ERI3: variants seen among roughly 807,000 people sequenced by gnomAD.
ERI3 encodes the protein ERI1 exoribonuclease family member 3, also known as ERI1 exoribonuclease 3.
ERI3 carries 18 observed loss-of-function variants against 44.4 expected under a neutral mutation model. The ratio of observed to expected loss-of-function variants is 0.41; its 90% CI spans 0.28 to 0.60. The LOEUF (loss-of-function observed/expected upper bound fraction) is 0.60, where lower values mean the gene tolerates loss of function less well. Among genes scored for constraint, ERI3 ranks in the 20% least tolerant of loss-of-function variants. ERI3 has a pLI of 0.36. For missense variants in ERI3, 294 were observed against 435.5 expected, an observed-to-expected ratio of 0.68 and a Z score of 2.89; for synonymous variants, 183 against 164.8, an observed-to-expected ratio of 1.11 and a Z score of -0.84.
chr1:44,354,236 C>CA, intron 1 of ERI3: 1 of 985,426 alleles, frequency 1.0e-6, no homozygotes, highest in Non-Finnish European at 1.2e-6. Context: ...AAATGTCTGA[C>CA]AAGAGTAAAT....
chr1:44,259,268 GCTGGCTGC>G (rs1210796265), intron 7 of ERI3, among the ~76,000 whole-genome samples: 2 of 152,060 alleles, frequency 1.3e-5, no homozygotes, highest in African/African-American at 2.4e-5. Context: ...GTAGAAGCTG[GCTGGCTGC>G]CTGGCTGCCT....
At chr1:44,299,560 T>C (rs551132124) in intron 6 of ERI3, among the ~76,000 whole-genome samples, 3 of 152,076 alleles carry the variant, frequency 2.0e-5, no homozygotes, top group Admixed American at 6.5e-5. Flanking sequence ...CTAAGCAATA[T>C]CTCATACAAA....
At chr1:44,317,520 A>T (rs1408060487) in intron 4 of ERI3, among the ~76,000 whole-genome samples, 1 of 152,202 alleles carries the variant, frequency 6.6e-6, no homozygotes, top group Non-Finnish European at 1.5e-5. Flanking sequence ...ACTCCTTGAC[A>T]ATATTCATTC....
At chr1:44,239,791 G>A (rs1644394140) in intron 8 of ERI3, among the ~76,000 whole-genome samples, 1 of 152,128 alleles carries the variant, frequency 6.6e-6, no homozygotes, top group Non-Finnish European at 1.5e-5. Context: ...AAAGAGGAGG[G>A]AGAGGAGGGA....
In ERI3 at chr1:44,354,893, C is replaced by A; in HGVS notation, c.134G>T (p.Gly45Val). The change falls in exon 1 of 9, where the codon GGG becomes GTG. Residue 45 changes from glycine to valine, a missense_variant and splice_region_variant. This residue lies in a region of ERI3 where 107 missense variants were observed against 96.9 expected (regional missense o/e 1.10). Coordinates refer to ENST00000372257, the MANE Select transcript of ERI3 (RefSeq NM_024066.3). ...WMGPSWGQHP[G>V]HWGFPALTEP... is the part of the protein sequence containing the mutation. Reference sequence around the variant, plus strand: ...GCGGGGCCATTCAGCATCACCCACCCCGGGGTGTTGCCCCCAACTCGGGCC... The same window carrying A: ...GCGGGGCCATTCAGCATCACCCACCACGGGGTGTTGCCCCCAACTCGGGCC... The A allele has an allele frequency of 7.6e-7, 1 of 1,317,044 alleles. No homozygotes were observed. The highest frequency in any genetic ancestry group is 2.8e-5 in the East Asian group (1 of 35,686). The allele number at this position is 1,317,044 out of a possible 1,614,324, so 81.6% of individuals were successfully genotyped here.
intron 8 of ERI3, among the ~76,000 whole-genome samples, chr1:44,226,778 AACACACAC>A (rs60011057): frequency 6.3e-4 from 91 of 143,470 alleles, no homozygotes; most frequent in East Asian, 8.1e-4. Context: ...AGCATTATTA[AACACACAC>A]ACACACACAC....
chr1:44,281,603 T>A (rs10661451), intron 7 of ERI3, among the ~76,000 whole-genome samples: 18,982 of 101,146 alleles, frequency 0.19, 1,485 homozygotes, highest in Non-Finnish European at 0.23. Context: ...AAAAAAAAAA[T>A]ATATATATAT....
chr1:44,279,737 T>G (rs139237083), intron 7 of ERI3, among the ~76,000 whole-genome samples: 1 of 152,242 alleles, frequency 6.6e-6, no homozygotes, highest in Non-Finnish European at 1.5e-5. Flanking sequence ...GGGGTCATCA[T>G]GGTCTCTTCC....
intron 8 of ERI3, chr1:44,242,012 G>A: frequency 2.0e-6 from 2 of 985,666 alleles, no homozygotes; most frequent in Non-Finnish European, 2.4e-6. Flanking sequence ...GGCTCCAAGG[G>A]GGTCAGCTCA....
At chr1:44,354,441 A>T in intron 1 of ERI3, 1 of 985,380 alleles carries the variant, frequency 1.0e-6, no homozygotes, top group Non-Finnish European at 1.2e-6. Context: ...TTTTTTAAGA[A>T]AACACCTGTT....
intron 7 of ERI3, among the ~76,000 whole-genome samples, chr1:44,250,294 G>C (rs1572110598): frequency 6.6e-6 from 1 of 152,248 alleles, no homozygotes; most frequent in Non-Finnish European, 1.5e-5. Flanking sequence ...CTCGGGGACA[G>C]GGCAGCTCAA....
intron 6 of ERI3, among the ~76,000 whole-genome samples, chr1:44,285,632 A>G (rs1488339314): frequency 6.6e-6 from 1 of 152,238 alleles, no homozygotes; most frequent in Non-Finnish European, 1.5e-5. Flanking sequence ...GGTTTTACTC[A>G]GACAAATCCA....
intron 4 of ERI3, 140 bp from the exon 5 acceptor site, chr1:44,313,368 C>G: frequency 1.4e-6 from 1 of 712,686 alleles, no homozygotes; most frequent in Non-Finnish European, 2.4e-6. Flanking sequence ...CAGAGCCCAC[C>G]TAGAAGACTT....
At chr1:44,337,845 T>C (rs1271807288) in intron 3 of ERI3, among the ~76,000 whole-genome samples, 1 of 152,222 alleles carries the variant, frequency 6.6e-6, no homozygotes, top group Non-Finnish European at 1.5e-5. Flanking sequence ...TGCCCGATGC[T>C]GAGGTCCCCT....
chr1:44,324,466 A>G (rs1197862780), intron 3 of ERI3, among the ~76,000 whole-genome samples: 2 of 149,928 alleles, frequency 1.3e-5, no homozygotes, highest in Non-Finnish European at 3.0e-5. Context: ...GGTTTCCTGC[A>G]ACATAGACTC....
chr1:44,353,089 C>T (rs1423247135), intron 1 of ERI3, 164 bp from the exon 2 acceptor site: 2 of 985,416 alleles, frequency 2.0e-6, no homozygotes, highest in Non-Finnish European at 2.4e-6. Flanking sequence ...ATTAGTACTA[C>T]ATTTGTAATG....
intron 7 of ERI3, among the ~76,000 whole-genome samples, chr1:44,257,207 A>G (rs1008611250): frequency 1.3e-5 from 2 of 152,212 alleles, no homozygotes; most frequent in African/African-American, 2.4e-5. Flanking sequence ...CATGGTAATC[A>G]TATCAGGGAT....
At chr1:44,290,132 G>C (rs1645474549) in intron 6 of ERI3, among the ~76,000 whole-genome samples, 1 of 152,238 alleles carries the variant, frequency 6.6e-6, no homozygotes, top group African/African-American at 2.4e-5. Context: ...TCTCAAGAAA[G>C]GCTGTGGGAC....
At chr1:44,257,681 G>A (rs565667010) in intron 7 of ERI3, among the ~76,000 whole-genome samples, 3 of 152,192 alleles carry the variant, frequency 2.0e-5, no homozygotes, top group Admixed American at 6.5e-5. Flanking sequence ...GGCCTCCTGC[G>A]CCAGAATTCC....
Sources: gnomAD v4.1 joint callset for allele counts (sites outside exome capture counted in the v4.1 genomes callset) on GRCh38, gnomAD v4.1.1 for gene constraint, gnomAD v4.1.1 regional missense constraint, MANE v1.5 for transcripts, NCBI Gene and HGNC (gene_info 2026-07-23, HGNC 2026-07-21) for gene names.